The following ARVCF variants were observed in gnomAD, a reference collection of about 807,000 sequenced individuals.
ARVCF encodes splicing regulator ARVCF.
Under a neutral mutation model 90.9 loss-of-function variants are expected in ARVCF, and 66 were observed. That is an observed-to-expected ratio of 0.73 (90% confidence interval 0.60 to 0.89). The LOEUF is 0.89. Among genes scored for constraint, ARVCF ranks in the 40% least tolerant of loss-of-function variants. The pLI is 0.00. For synonymous variants in ARVCF, 653 were observed against 603.4 expected, an observed-to-expected ratio of 1.08 and a Z score of -1.21; for missense variants, 1,469 against 1,382.3, an observed-to-expected ratio of 1.06 and a Z score of -1.00.
intron 2 of ARVCF, among the ~76,000 whole-genome samples, chr22:20,006,629 C>T (rs1468579647): frequency 6.6e-6 from 1 of 150,584 alleles, no homozygotes; most frequent in African/African-American, 2.4e-5. Context: ...TTGCATAATA[C>T]CCTTTTATTT....
chr22:19,974,446 A>T (rs544772347), intron 11 of ARVCF, among the ~76,000 whole-genome samples: 15 of 152,132 alleles, frequency 9.9e-5, no homozygotes, highest in Non-Finnish European at 2.1e-4. Flanking sequence ...ACTGAGGCTC[A>T]AATCAGTTGG....
chr22:19,982,115 G>A, intron 3 of ARVCF, 24 bp from the exon 4 acceptor site: 3 of 1,606,456 alleles, frequency 1.9e-6, no homozygotes, highest in Non-Finnish European at 2.5e-6. Flanking sequence ...GGACATTGGT[G>A]GGCAGGCCTG....
intron 2 of ARVCF, among the ~76,000 whole-genome samples, chr22:20,002,312 C>CT (rs1390754461): frequency 1.3e-5 from 2 of 152,162 alleles, no homozygotes; most frequent in African/African-American, 4.8e-5. Flanking sequence ...GTGCTGAAGC[C>CT]TGGGCCTCTC....
intron 5 of ARVCF, chr22:19,980,591 C>A (rs1943438123): frequency 3.8e-6 from 1 of 266,344 alleles, no homozygotes; most frequent in South Asian, 1.5e-4. Context: ...CGTCTCACCT[C>A]CCTTCCACAA....
downstream of ARVCF, chr22:19,968,450 C>A: frequency 7.5e-7 from 1 of 1,340,370 alleles, no homozygotes; most frequent in Non-Finnish European, 1.0e-6. Flanking sequence ...GTGCCGTGGC[C>A]TAGTGAGGAG....
intron 2 of ARVCF, among the ~76,000 whole-genome samples, chr22:20,003,491 A>T (rs931039112): frequency 2.0e-5 from 3 of 152,190 alleles, no homozygotes; most frequent in Non-Finnish European, 4.4e-5. Context: ...AACACTAGCA[A>T]ACCAAATTCA....
Position 20,012,140 on chromosome 22 carries a change from G to C in ARVCF, c.-72-1632C>G, listed in dbSNP as rs1274152469. On this transcript the variant is annotated intron_variant, in intron 1 of 19. Transcript: ENST00000263207. ...AGGAGAACATGGGTCCTTCCTCATG[G>C]GCCTCCTACCTCATGGGGTCCAGCC... Among the ~76,000 whole-genome samples, 2 of 144,482 alleles carry C rather than the reference G, an allele frequency of 1.4e-5. 1 individual carries two copies. The highest frequency in any genetic ancestry group is 5.2e-5 in the African/African-American group (2 of 38,728). The allele number at this position is 144,482 out of a possible 152,430, so 94.8% of individuals were successfully genotyped here. A position where few individuals can be genotyped will look rare whatever the true frequency, so the allele number is the denominator to read the frequency against.
chr22:20,013,773 C>T (rs1944923079), intron 1 of ARVCF, among the ~76,000 whole-genome samples: 1 of 152,236 alleles, frequency 6.6e-6, no homozygotes, highest in African/African-American at 2.4e-5. Context: ...GATATGAAGG[C>T]CCTGAGCCAG....
chr22:19,969,854 G>C (rs973655111), downstream of ARVCF: 1 of 985,480 alleles, frequency 1.0e-6, no homozygotes, highest in Non-Finnish European at 1.2e-6. Flanking sequence ...CAAGGGAGAA[G>C]CCAGCCACTT....
intron 1 of ARVCF, among the ~76,000 whole-genome samples, chr22:20,013,678 C>A (rs570035821): frequency 6.6e-6 from 1 of 152,108 alleles, no homozygotes; most frequent in Non-Finnish European, 1.5e-5. Flanking sequence ...AGGGCCTGTG[C>A]ATAACTGGTT....
intron 3 of ARVCF, among the ~76,000 whole-genome samples, chr22:19,982,835 T>C (rs1314892021): frequency 6.6e-6 from 1 of 152,194 alleles, no homozygotes; most frequent in Non-Finnish European, 1.5e-5. Context: ...GGGCATCATA[T>C]CAGAGACCAG....
At chr22:19,967,273 C>CCT, downstream of ARVCF, 1 of 1,221,138 alleles carries the variant, frequency 8.2e-7, no homozygotes, top group African/African-American at 1.6e-5. Flanking sequence ...AGCCCAGGCC[C>CCT]CTCACTCATG....
chr22:20,002,265 T>C (rs564132454), intron 2 of ARVCF, among the ~76,000 whole-genome samples: 2 of 152,322 alleles, frequency 1.3e-5, no homozygotes, highest in Non-Finnish European at 2.9e-5. Context: ...CACTTCGAGG[T>C]GTAGGGAGGA....
chr22:19,991,057 A>T (rs559725181), intron 2 of ARVCF, among the ~76,000 whole-genome samples: 2 of 152,236 alleles, frequency 1.3e-5, no homozygotes, highest in Non-Finnish European at 2.9e-5. Context: ...TTCCTGCTAG[A>T]CCTAGCAGAA....
At chr22:19,968,975 TATC>T (rs1455260178), downstream of ARVCF, 5 of 436,222 alleles carry the variant, frequency 1.1e-5, no homozygotes, top group African/African-American at 9.9e-5. Flanking sequence ...TATATACTAA[TATC>T]ATGTTTTAAA....
At chr22:20,007,226 T>A (rs891307063) in intron 2 of ARVCF, among the ~76,000 whole-genome samples, 28 of 151,824 alleles carry the variant, frequency 1.8e-4, no homozygotes, top group African/African-American at 6.5e-4. Context: ...TGAAATCCCA[T>A]CTCTATTAAA....
chr22:19,987,176 G>GGGCTCA (rs1943829634), intron 3 of ARVCF: 2 of 434,356 alleles, frequency 4.6e-6, no homozygotes, highest in African/African-American at 4.1e-5. Context: ...TCGGCCGCTC[G>GGGCTCA]GGCTCAGGCT....
At position 19,977,558 on chromosome 22, in the gene ARVCF, C is replaced by T. The variant is rs1459734964; in HGVS notation, c.1727G>A (p.Arg576Gln). 5 of 1,565,946 alleles carry T rather than the reference C, an allele frequency of 3.2e-6. No individual in the cohort carries two copies. The African/African-American group carries it at 4.1e-5, about 13-fold the overall frequency. ...KSVENCVCIM[R>Q]NLSYHVHKEV... is the part of the protein sequence containing the mutation. Reference sequence around the variant, plus strand: ...CTTGTGCACGTGGTAGGACAGGTTCCGCATGATGCACACGCAGTTCTCCAC... The same window carrying T: ...CTTGTGCACGTGGTAGGACAGGTTCTGCATGATGCACACGCAGTTCTCCAC... Residue 576 changes from arginine to glutamine, a missense_variant, in exon 9 of 20, where the codon CGG becomes CAG. Arg to Gln is a conservative substitution (Grantham distance 43). Coordinates refer to ENST00000263207, the MANE Select transcript of ARVCF (RefSeq NM_001670.3).
At position 20,006,353 on chromosome 22, in the gene ARVCF, G is replaced by A. The variant is rs576473713; in HGVS notation, c.-19+4102C>T. On this transcript the variant is annotated intron_variant, in intron 2 of 19. Transcript: ENST00000263207. ...AGCACTTTGGGAGGCCAAGGCGGGCGGATCACGAGGTCAGGAGATCGAGAC... is the reference window on the plus strand; with the variant it reads ...AGCACTTTGGGAGGCCAAGGCGGGCAGATCACGAGGTCAGGAGATCGAGAC... Among the ~76,000 whole-genome samples the A allele has an allele frequency of 2.0e-4, 31 of 151,754 alleles. 1 individual carries two copies. In the South Asian group the frequency reaches 4.6e-3, roughly 22 times the overall value.
Sources: gnomAD v4.1 joint callset for allele counts (sites outside exome capture counted in the v4.1 genomes callset) on GRCh38, gnomAD v4.1.1 for gene constraint, MANE v1.5 for transcripts, NCBI Gene and HGNC (gene_info 2026-07-23, HGNC 2026-07-21) for gene names.